SLIT3: variants seen among roughly 807,000 people sequenced by gnomAD.
SLIT3 encodes slit guidance ligand 3.
A neutral mutation model predicts 184.0 loss-of-function variants in SLIT3; 68 were observed. The observed-to-expected ratio is 0.37, with a 90% CI of 0.30 to 0.45. The LOEUF (loss-of-function observed/expected upper bound fraction) is 0.45, where lower values mean the gene tolerates loss of function less well. Ranked by LOEUF, SLIT3 falls within the 20% of genes least tolerant of loss-of-function variation. The pLI is 1.00. For synonymous variants in SLIT3, 831 were observed against 828.6 expected, an observed-to-expected ratio of 1.00 and a Z score of -0.05; for missense variants, 1,707 against 2,026.0, an observed-to-expected ratio of 0.84 and a Z score of 3.02.
chr5:169,046,042 C>T (rs893755415), intron 4 of SLIT3, among the ~76,000 whole-genome samples: 2 of 152,158 alleles, frequency 1.3e-5, no homozygotes, highest in Non-Finnish European at 2.9e-5. Flanking sequence ...GGGAGTCACA[C>T]AGACTGAACA....
At chr5:169,027,039 GATC>G (rs1756855887) in intron 4 of SLIT3, among the ~76,000 whole-genome samples, 1 of 152,166 alleles carries the variant, frequency 6.6e-6, no homozygotes. Context: ...GATGACAGTG[GATC>G]ATGTTTCCAT....
chr5:168,907,812 A>G (rs1336623107), intron 4 of SLIT3, among the ~76,000 whole-genome samples: 2 of 151,144 alleles, frequency 1.3e-5, no homozygotes, highest in African/African-American at 4.9e-5. Flanking sequence ...GTGTGTATAG[A>G]GAACGAGGTT....
intron 4 of SLIT3, among the ~76,000 whole-genome samples, chr5:169,051,335 G>GCTGTATA (rs1484886840): frequency 2.2e-4 from 33 of 151,838 alleles, no homozygotes; most frequent in Admixed American, 2.0e-3. Context: ...ATATAAAAGA[G>GCTGTATA]TAAATCAGAG....
chr5:169,185,200 T>C (rs1331558048), intron 4 of SLIT3, among the ~76,000 whole-genome samples: 3 of 152,202 alleles, frequency 2.0e-5, no homozygotes, highest in East Asian at 3.8e-4. Context: ...ACATGTGCCA[T>C]AAAGCAAACA....
intron 32 of SLIT3, 93 bp downstream of exon 32, chr5:168,683,873 G>A (rs537572046): frequency 2.2e-5 from 27 of 1,224,156 alleles, no homozygotes; most frequent in African/African-American, 3.1e-5. Flanking sequence ...AGGGACACCC[G>A]AGTTCTCCTG....
intron 3 of SLIT3, among the ~76,000 whole-genome samples, chr5:169,208,344 T>A (rs1322855546): frequency 1.3e-5 from 2 of 152,194 alleles, no homozygotes; most frequent in Non-Finnish European, 2.9e-5. Context: ...GGTTTGTAGT[T>A]CTCCTTGCAG....
At position 168,986,589 on chromosome 5, in the gene SLIT3, A is replaced by T. The variant is rs146584958; in HGVS notation, c.414-103253T>A. 2.0e-4 allele frequency among the ~76,000 whole-genome samples: 30 copies of T among 152,262 alleles called. No homozygotes were observed. In the East Asian group the frequency reaches 5.6e-3, roughly 28 times the overall value. On this transcript the variant is annotated intron_variant, in intron 4 of 35. Transcript: ENST00000519560. ...TCTCTCCTTTATCATAACTTGCATG[A>T]CCTGGACCATCCAGGCATGCTGTGA...
At chr5:169,109,573 T>C (rs1482176934) in intron 4 of SLIT3, among the ~76,000 whole-genome samples, 1 of 152,202 alleles carries the variant, frequency 6.6e-6, no homozygotes, top group African/African-American at 2.4e-5. Context: ...AGCAACTTAT[T>C]ATAGGGCAAT....
chr5:169,013,537 C>T (rs766309507), intron 4 of SLIT3, among the ~76,000 whole-genome samples: 36 of 152,172 alleles, frequency 2.4e-4, no homozygotes, highest in Non-Finnish European at 4.7e-4. Flanking sequence ...TTTCGTTTTT[C>T]AAAGGGCTAC....
intron 1 of SLIT3, among the ~76,000 whole-genome samples, chr5:169,284,845 T>C (rs1767103217): frequency 6.6e-6 from 1 of 152,246 alleles, no homozygotes; most frequent in Non-Finnish European, 1.5e-5. Context: ...GAGATAAGTA[T>C]TATTGTCTTT....
intron 4 of SLIT3, among the ~76,000 whole-genome samples, chr5:169,119,603 C>A (rs1760808231): frequency 6.6e-6 from 1 of 152,216 alleles, no homozygotes; most frequent in Non-Finnish European, 1.5e-5. Context: ...CTGGCAGCAG[C>A]AGCAGCAGAG....
chr5:169,041,782 A>T (rs1031914320), intron 4 of SLIT3, among the ~76,000 whole-genome samples: 1 of 152,204 alleles, frequency 6.6e-6, no homozygotes, highest in Admixed American at 6.5e-5. Flanking sequence ...AAAATAAAGC[A>T]GCTGAGTTTA....
intron 4 of SLIT3, among the ~76,000 whole-genome samples, chr5:169,186,888 A>G (rs1019028674): frequency 3.3e-5 from 5 of 151,982 alleles, no homozygotes; most frequent in Non-Finnish European, 7.4e-5. Flanking sequence ...TAACAGCGCC[A>G]GTGACTTGGG....
intron 6 of SLIT3, among the ~76,000 whole-genome samples, chr5:168,832,193 T>C (rs943685017): frequency 9.9e-5 from 15 of 152,252 alleles, no homozygotes; most frequent in African/African-American, 3.6e-4. Flanking sequence ...TGGACAGTCT[T>C]GACTTAGAAA....
At chr5:169,278,998 G>C (rs1055275084) in intron 1 of SLIT3, among the ~76,000 whole-genome samples, 2 of 152,190 alleles carry the variant, frequency 1.3e-5, no homozygotes, top group Non-Finnish European at 2.9e-5. Context: ...AGAAAATCCA[G>C]GAGGAATGAG....
chr5:169,171,844 C>T (rs1453969640), intron 4 of SLIT3, among the ~76,000 whole-genome samples: 1 of 152,138 alleles, frequency 6.6e-6, no homozygotes, highest in Non-Finnish European at 1.5e-5. Flanking sequence ...ATTTGAGTTC[C>T]AACAACCCAC....
Position 168,663,542 on chromosome 5 carries a change from T to G in SLIT3, c.*2912A>C, listed in dbSNP as rs1760939772. 6.6e-6 allele frequency: 1 copy of G among 152,296 alleles called. No individual in the cohort carries two copies. The highest frequency in any genetic ancestry group is 1.5e-5 in the Non-Finnish European group (1 of 68,124). The allele number at this position is 152,296 out of a possible 1,614,324, so 9.4% of individuals were successfully genotyped here. ...TCCTAAACCAGAGCTTGTCTTGCTC[T>G]TCCCTTCCTCAAACAACCCTGCTGG... On this transcript the variant is annotated 3_prime_UTR_variant, in exon 36 of 36. Transcript: ENST00000519560.
chr5:168,789,505 T>C, intron 11 of SLIT3, 55 bp downstream of exon 11: 1 of 1,379,274 alleles, frequency 7.3e-7, no homozygotes, highest in Non-Finnish European at 1.0e-6. Context: ...GCGTCTCTCT[T>C]CCCTCCAGCG....
intron 4 of SLIT3, among the ~76,000 whole-genome samples, chr5:168,942,923 C>G (rs908796413): frequency 1.3e-5 from 2 of 152,178 alleles, no homozygotes; most frequent in Non-Finnish European, 2.9e-5. Context: ...ATTAACAATG[C>G]CTGCAGTGGG....
Sources: allele counts gnomAD v4.1 joint callset (sites outside exome capture counted in the v4.1 genomes callset), GRCh38; gene constraint gnomAD v4.1.1; transcripts MANE v1.5; gene names NCBI Gene and HGNC (gene_info 2026-07-23, HGNC 2026-07-21).